The following TNS1 variants were observed in gnomAD, a reference collection of about 807,000 sequenced individuals.
The protein encoded by TNS1 is tensin 1, also known as tensin-1.
Under a neutral mutation model 168.6 loss-of-function variants are expected in TNS1, and 62 were observed. The ratio of observed to expected loss-of-function variants is 0.37; its 90% CI spans 0.30 to 0.45. The LOEUF (loss-of-function observed/expected upper bound fraction) is 0.45. TNS1 is among the 20% of genes least tolerant of loss of function. TNS1 has a pLI of 1.00. For synonymous variants in TNS1, 934 were observed against 933.2 expected (o/e 1.00, Z -0.02); for missense variants, 2,240 against 2,339.4 (o/e 0.96, Z 0.88).
At position 217,817,892 on chromosome 2, in the gene TNS1, G is replaced by T; in HGVS notation, c.4440C>A (p.Ala1480=). The T allele has an allele frequency of 6.2e-7, 1 of 1,614,016 alleles. No individual in the cohort carries two copies. The change falls in exon 24 of 33, where the codon GCC becomes GCA. Residue 1480 remains alanine, a synonymous_variant. Transcript: ENST00000682258. The part of the protein sequence containing the change: ...PATSPSPDSA[A]FRQGSPTPAL... ...CTGGTGTTGGGCTCCCTTGCCGGAA[G>T]GCTGCGGAGTCTGGTGACGGGGAGG...
At chr2:217,862,969 G>T (rs983610936) in intron 18 of TNS1, among the ~76,000 whole-genome samples, 1 of 152,226 alleles carries the variant, frequency 6.6e-6, no homozygotes, top group Admixed American at 6.5e-5. Context: ...ACCTACAGCT[G>T]GAGCCAGGTG....
intron 18 of TNS1, among the ~76,000 whole-genome samples, chr2:217,853,862 G>A (rs1382762402): frequency 6.6e-6 from 1 of 152,224 alleles, no homozygotes; most frequent in East Asian, 1.9e-4. Context: ...GGGTGCAGAG[G>A]TGTGTGCGGC....
At chr2:217,910,573 C>T (rs558168043) in intron 4 of TNS1, among the ~76,000 whole-genome samples, 3 of 152,156 alleles carry the variant, frequency 2.0e-5, no homozygotes, top group South Asian at 2.1e-4. Flanking sequence ...GCAGGGAGGC[C>T]GGGGCCAGTG....
chr2:217,967,500 T>C (rs949686203), intron 3 of TNS1, among the ~76,000 whole-genome samples: 11 of 152,054 alleles, frequency 7.2e-5, no homozygotes, highest in African/African-American at 2.7e-4. Context: ...GGGACATTAC[T>C]ACCAACCTTT....
At chr2:217,970,027 C>T (rs1957740399) in intron 3 of TNS1, among the ~76,000 whole-genome samples, 1 of 151,960 alleles carries the variant, frequency 6.6e-6, no homozygotes, top group South Asian at 2.1e-4. Context: ...TACACAGAGA[C>T]ACATAGACAC....
chr2:217,883,977 T>C (rs760919335), intron 16 of TNS1, among the ~76,000 whole-genome samples: 1 of 152,224 alleles, frequency 6.6e-6, no homozygotes, highest in African/African-American at 2.4e-5. Flanking sequence ...CGTGTCTCCA[T>C]CACTTCAGGC....
At chr2:217,908,323 CCTGATCAGAAT>C (rs1953944453) in intron 4 of TNS1, among the ~76,000 whole-genome samples, 1 of 152,184 alleles carries the variant, frequency 6.6e-6, no homozygotes, top group African/African-American at 2.4e-5. Context: ...AGGTTCACCT[CCTGATCAGAAT>C]CTGAGAGGAT....
At chr2:217,893,342 A>G in intron 10 of TNS1, 97 bp downstream of exon 10, 1 of 1,468,950 alleles carries the variant, frequency 6.8e-7, no homozygotes, top group South Asian at 1.4e-5. Flanking sequence ...ATAGGCAGGT[A>G]CACACAATCA....
chr2:218,028,212 T>G (rs1337241028), intron 1 of TNS1, among the ~76,000 whole-genome samples: 1 of 152,180 alleles, frequency 6.6e-6, no homozygotes, highest in Non-Finnish European at 1.5e-5. Flanking sequence ...CTTCCAGCCA[T>G]GCATGAGCTG....
rs769064401 is a variant in TNS1, at chr2:217,831,550, G to A, written c.3281-3C>T. 1.0e-5 allele frequency: 15 copies of A among 1,491,964 alleles called. No homozygotes were observed. Among genetic ancestry groups the A allele is most frequent in the Non-Finnish European group, 1.3e-5 (15 of 1,124,346 alleles). 92.4% of individuals were successfully genotyped at this position (1,491,964 alleles called of 1,614,324 possible). A position where few individuals can be genotyped will look rare whatever the true frequency, so the allele number is the denominator to read the frequency against. ...GGCCAGACCCGGGGGGGACCGCACT[G>A]TGCCAGGAAGAAGAGGGGAGACACA... On this transcript the variant is annotated splice_region_variant and splice_polypyrimidine_tract_variant and intron_variant, in intron 21 of 32. Transcript: ENST00000682258.
chr2:217,889,867 G>C (rs920729197), intron 12 of TNS1, among the ~76,000 whole-genome samples: 6 of 152,152 alleles, frequency 3.9e-5, no homozygotes, highest in Non-Finnish European at 7.4e-5. Context: ...TCCAGTTTGG[G>C]CTTGGGTTTC....
chr2:217,929,702 C>A (rs895933755), intron 3 of TNS1, among the ~76,000 whole-genome samples: 19 of 150,016 alleles, frequency 1.3e-4, no homozygotes, highest in Non-Finnish European at 2.4e-4. Context: ...CCTCCACCCC[C>A]CACCCGCCCC....
exon 1 of TNS1, chr2:218,010,253 T>C (rs1426604478): frequency 2.5e-6 from 1 of 398,168 alleles, no homozygotes; most frequent in Non-Finnish European, 4.4e-6. Flanking sequence ...GACCCGCCGC[T>C]CCTGGCGCAG....
chr2:217,897,771 A>G, intron 8 of TNS1, 27 bp downstream of exon 8: 1 of 1,569,226 alleles, frequency 6.4e-7, no homozygotes, highest in Non-Finnish European at 8.6e-7. Context: ...AGGGCACAGG[A>G]CAGTGGGCAC....
At chr2:217,852,131 C>A (rs1031385632) in intron 18 of TNS1, among the ~76,000 whole-genome samples, 1 of 152,084 alleles carries the variant, frequency 6.6e-6, no homozygotes, top group African/African-American at 2.4e-5. Flanking sequence ...GGTGACAGAG[C>A]AAGACTCCAT....
intron 3 of TNS1, among the ~76,000 whole-genome samples, chr2:217,966,902 G>A (rs576065214): frequency 5.2e-4 from 79 of 150,884 alleles, no homozygotes; most frequent in African/African-American, 1.9e-3. Context: ...CATAACTGGT[G>A]TTAAGACTTT....
chr2:217,952,766 G>C (rs1468494561), intron 3 of TNS1, among the ~76,000 whole-genome samples: 1 of 152,226 alleles, frequency 6.6e-6, no homozygotes, highest in East Asian at 1.9e-4. Flanking sequence ...CTTGAGAAAT[G>C]GATCCTGGTC....
At chr2:217,979,013 G>A in intron 2 of TNS1, 1 of 501,946 alleles carries the variant, frequency 2.0e-6, no homozygotes, top group South Asian at 2.7e-5. Flanking sequence ...CTGAGGACCC[G>A]CGGCCGGGGA....
intron 12 of TNS1, 113 bp downstream of exon 12, chr2:217,890,848 TG>T: frequency 1.7e-6 from 2 of 1,184,248 alleles, no homozygotes; most frequent in Non-Finnish European, 2.4e-6. Flanking sequence ...AACTTGCGCC[TG>T]GTACACCCCC....
Sources: allele counts gnomAD v4.1 joint callset (sites outside exome capture counted in the v4.1 genomes callset), GRCh38; gene constraint gnomAD v4.1.1; transcripts MANE v1.5; gene names NCBI Gene and HGNC (gene_info 2026-07-23, HGNC 2026-07-21).